Variants in ANO10 observed in about 807,000 individuals in gnomAD.
The protein encoded by ANO10 is anoctamin 10, also known as anoctamin-10.
A neutral mutation model predicts 74.7 loss-of-function variants in ANO10; 77 were observed. The observed-to-expected ratio is 1.03, with a 90% confidence interval of 0.86 to 1.25. The LOEUF (loss-of-function observed/expected upper bound fraction) is 1.25. Ranked by LOEUF, ANO10 falls within the 50% of genes most tolerant of loss-of-function variation. The pLI is 0.00. For synonymous variants in ANO10, 279 were observed against 284.9 expected (o/e 0.98, Z 0.21); for missense variants, 721 against 778.1 (o/e 0.93, Z 0.87).
At chr3:43,674,137 A>T (rs901893109) in intron 1 of ANO10, among the ~76,000 whole-genome samples, 2 of 152,116 alleles carry the variant, frequency 1.3e-5, no homozygotes, top group African/African-American at 4.8e-5. Context: ...CATGTGTGGG[A>T]TATTCACCCA....
chr3:43,504,280 A>ATAGGTAGGTAGG lies in ANO10; in HGVS notation c.1797+45428_1797+45439dup, dbSNP rs202181247. 7.7e-5 allele frequency among the ~76,000 whole-genome samples: 11 copies of ATAGGTAGGTAGG among 143,660 alleles called. No individual in the cohort carries two copies. The East Asian group carries it at 8.5e-4, about 11-fold the overall frequency. The allele number at this position is 143,660 out of a possible 152,430, so 94.2% of individuals were successfully genotyped here. On this transcript the variant is annotated intron_variant, in intron 11 of 12. Coordinates refer to ENST00000292246, the MANE Select transcript of ANO10 (RefSeq NM_018075.5). ...AAACTCCGCCTCAAAAAATAAGTAG[A>ATAGGTAGGTAGG]TAGGTAGGTAGGTAGGTAGGTAGAT...
At chr3:43,674,023 G>A (rs913586880) in intron 1 of ANO10, among the ~76,000 whole-genome samples, 2 of 152,152 alleles carry the variant, frequency 1.3e-5, no homozygotes, top group African/African-American at 2.4e-5. Flanking sequence ...GTATAAGCTT[G>A]GGGATTATTT....
chr3:43,600,063 G>A (rs1171743855), intron 3 of ANO10, among the ~76,000 whole-genome samples: 2 of 152,206 alleles, frequency 1.3e-5, no homozygotes, highest in Admixed American at 1.3e-4. Flanking sequence ...ATATAAGTAA[G>A]TTACATGTGT....
chr3:43,380,576 G>T (rs1328737306), intron 12 of ANO10, among the ~76,000 whole-genome samples: 1 of 152,204 alleles, frequency 6.6e-6, no homozygotes, highest in African/African-American at 2.4e-5. Context: ...CAAGAATTTT[G>T]TGTCTACCGA....
intron 1 of ANO10, among the ~76,000 whole-genome samples, chr3:43,642,224 T>C (rs1334693749): frequency 1.3e-5 from 2 of 152,250 alleles, no homozygotes; most frequent in Non-Finnish European, 2.9e-5. Context: ...TGTTTTATTT[T>C]AAGTTCTTTG....
At chr3:43,432,008 G>C (rs1004271517) in intron 12 of ANO10, among the ~76,000 whole-genome samples, 2 of 151,972 alleles carry the variant, frequency 1.3e-5, no homozygotes, top group African/African-American at 4.8e-5. Context: ...AAATTCCTAT[G>C]CAGCACTAAA....
Position 43,652,174 on chromosome 3 carries a change from G to A in ANO10, c.-12+39343C>T, listed in dbSNP as rs767462617. Among the ~76,000 whole-genome samples, 5 of 151,428 alleles carry A rather than the reference G, an allele frequency of 3.3e-5. No homozygotes were observed. In the South Asian group the frequency reaches 1.0e-3, roughly 32 times the overall value. ...CTAACATTCATATGGAAATGCAGGGGGTCCATAATAGCCAACTATTTTGAA... is the reference window on the plus strand; with the variant it reads ...CTAACATTCATATGGAAATGCAGGGAGTCCATAATAGCCAACTATTTTGAA... On this transcript the variant is annotated intron_variant, in intron 1 of 3. Coordinates refer to the ANO10 transcript ENST00000413397.
chr3:43,530,838 G>A (rs2149247793), intron 11 of ANO10, among the ~76,000 whole-genome samples: 1 of 152,292 alleles, frequency 6.6e-6, no homozygotes, highest in Non-Finnish European at 1.5e-5. Context: ...TCCACTGGGA[G>A]TCTTGGAACC....
In ANO10 at chr3:43,461,306, T is replaced by G. The variant is rs375731734; in HGVS notation, c.1798-28579A>C. 6.6e-5 allele frequency among the ~76,000 whole-genome samples: 10 copies of G among 152,158 alleles called. No homozygotes were observed. In the East Asian group the frequency reaches 1.9e-3, roughly 29 times the overall value. On this transcript the variant is annotated intron_variant, in intron 11 of 12. Transcript: ENST00000292246. The stretch of plus-strand genomic sequence containing the variant: ...AAATAAGGAACAAAATTACCAAAAC[T>G]GACATAGGAAGAAACAGAACATCTG...
intron 4 of ANO10, among the ~76,000 whole-genome samples, chr3:43,594,850 A>C (rs2081995403): frequency 6.6e-6 from 1 of 152,160 alleles, no homozygotes; most frequent in African/African-American, 2.4e-5. Context: ...GATCAACAAA[A>C]TTGATAGACC....
At position 43,616,327 on chromosome 3, in the gene ANO10, G is replaced by A. The variant is rs578046425; in HGVS notation, c.-12+5582C>T. ...GCAGAACTGGAATCCAATGCTCTTTGAACAACACCATGCCATCAGAAGACA... is the reference window on the plus strand; with the variant it reads ...GCAGAACTGGAATCCAATGCTCTTTAAACAACACCATGCCATCAGAAGACA... On this transcript the variant is annotated intron_variant, in intron 1 of 12. Transcript: ENST00000292246. Among the ~76,000 whole-genome samples the A allele has an allele frequency of 2.3e-4, 35 of 152,274 alleles. 1 individual carries two copies. The Middle Eastern group carries it at 0.017, about 74-fold the overall frequency.
chr3:43,594,867 A>G (rs542380460), intron 4 of ANO10, among the ~76,000 whole-genome samples: 2 of 152,282 alleles, frequency 1.3e-5, no homozygotes, highest in South Asian at 2.1e-4. Context: ...GACCGCTAGC[A>G]AGACTAATAA....
chr3:43,482,297 C>T (rs1050068700), intron 11 of ANO10, among the ~76,000 whole-genome samples: 1 of 152,146 alleles, frequency 6.6e-6, no homozygotes, highest in Non-Finnish European at 1.5e-5. Context: ...GGCACATGTT[C>T]TCAGGATCTC....
chr3:43,688,762 T>C (rs2084308692), intron 1 of ANO10, among the ~76,000 whole-genome samples: 1 of 151,602 alleles, frequency 6.6e-6, no homozygotes, highest in Admixed American at 6.6e-5. Flanking sequence ...GAGAATTGCT[T>C]GAACCTGGGA....
chr3:43,658,658 C>T (rs141965883), intron 1 of ANO10, among the ~76,000 whole-genome samples: 37 of 152,034 alleles, frequency 2.4e-4, no homozygotes, highest in East Asian at 1.9e-3. Flanking sequence ...TTAGTAGAGA[C>T]GGGATTTCAC....
In ANO10 at chr3:43,395,600, G is replaced by C. The variant is rs1350619158; in HGVS notation, c.1915-28626C>G. The stretch of plus-strand genomic sequence containing the variant: ...AAAAATCAGTAGTACATACATGTGT[G>C]AGGTTATCACCGAACTCTATTCTGC... On this transcript the variant is annotated intron_variant, in intron 12 of 12. Transcript: ENST00000292246. Among the ~76,000 whole-genome samples the C allele has an allele frequency of 2.0e-5, 3 of 152,118 alleles. No homozygotes were observed. The East Asian group carries it at 5.8e-4, about 29-fold the overall frequency.
chr3:43,613,616 G>C (rs1378430725), intron 1 of ANO10, among the ~76,000 whole-genome samples: 1 of 152,194 alleles, frequency 6.6e-6, no homozygotes, highest in East Asian at 1.9e-4. Context: ...TATTGGGCGA[G>C]AATATGGGTA....
chr3:43,567,937 C>A (rs1575446691), intron 7 of ANO10, among the ~76,000 whole-genome samples: 1 of 152,136 alleles, frequency 6.6e-6, no homozygotes, highest in East Asian at 1.9e-4. Context: ...TTCAGGAAAC[C>A]CATCTCACGT....
At chr3:43,496,991 G>T (rs1293945667) in intron 11 of ANO10, among the ~76,000 whole-genome samples, 1 of 152,162 alleles carries the variant, frequency 6.6e-6, no homozygotes, top group East Asian at 1.9e-4. Flanking sequence ...CATCCTTAAA[G>T]ACAAAGAACA....
Sources: gnomAD v4.1 joint callset for allele counts (sites outside exome capture counted in the v4.1 genomes callset) on GRCh38, gnomAD v4.1.1 for gene constraint, MANE v1.5 for transcripts, NCBI Gene and HGNC (gene_info 2026-07-23, HGNC 2026-07-21) for gene names.